Variants in MTARC2 observed in about 807,000 individuals in gnomAD.
The protein encoded by MTARC2 is MOCO sulphurase C-terminal domain containing 2.
Under a neutral mutation model 35.6 loss-of-function variants are expected in MTARC2, and 27 were observed. The observed-to-expected ratio is 0.76, with a 90% CI of 0.56 to 1.04. The LOEUF is 1.04. MTARC2 is among the 50% of genes least tolerant of loss of function. The probability of loss-of-function intolerance (pLI) is 0.00; values close to 1 mark genes in which losing one functional copy is unlikely to be tolerated. For synonymous variants in MTARC2, 158 were observed against 167.1 expected (o/e 0.95, Z 0.42); for missense variants, 412 against 432.5 (o/e 0.95, Z 0.42).
Position 220,784,151 on chromosome 1 carries a change from T to A in MTARC2, c.*264T>A. On this transcript the variant is annotated 3_prime_UTR_variant, in exon 8 of 8. Transcript: ENST00000366913. The stretch of plus-strand genomic sequence containing the variant: ...AAGGCTTTAAAAATAATTAAGATCA[T>A]CAAAAATGCTATTTTGAATGTTATC... 6.2e-6 allele frequency: 3 copies of A among 484,516 alleles called. No individual in the cohort carries two copies. The highest frequency in any genetic ancestry group is 8.3e-5 in the South Asian group (2 of 24,076). The allele number at this position is 484,516 out of a possible 1,614,324, so 30.0% of individuals were successfully genotyped here.
chr1:220,756,091 C>G (rs1402310262), intron 2 of MTARC2, among the ~76,000 whole-genome samples: 13 of 152,200 alleles, frequency 8.5e-5, no homozygotes, highest in Admixed American at 7.9e-4. Flanking sequence ...ATTTCCACTT[C>G]TGGCCAAAGA....
At chr1:220,758,176 G>GA (rs376452650) in intron 2 of MTARC2, among the ~76,000 whole-genome samples, 34 of 151,860 alleles carry the variant, frequency 2.2e-4, no homozygotes, top group Middle Eastern at 6.8e-3. Flanking sequence ...GCAGAGACGG[G>GA]ATTTCACCAT....
Position 220,784,648 on chromosome 1 carries a change from T to C in MTARC2, c.*761T>C, listed in dbSNP as rs546921329. The C allele has an allele frequency of 2.0e-5, 3 of 152,214 alleles. No individual in the cohort carries two copies. Among genetic ancestry groups the C allele is most frequent in the Admixed American group, 6.5e-5 (1 of 15,284 alleles). 9.4% of individuals were successfully genotyped at this position (152,214 alleles called of 1,614,324 possible). On this transcript the variant is annotated 3_prime_UTR_variant, in exon 8 of 8. Coordinates refer to ENST00000366913, the MANE Select transcript of MTARC2 (RefSeq NM_017898.5). ...GAGTAGGAATGCAAGGAAGACAGCA[T>C]GAACATATTTTTTTCAGTGCAAATA...
chr1:220,754,628 C>A (rs910353756), intron 1 of MTARC2, among the ~76,000 whole-genome samples: 1 of 152,136 alleles, frequency 6.6e-6, no homozygotes, highest in African/African-American at 2.4e-5. Context: ...CAAAGCAGAA[C>A]CCCCAGACAA....
intron 1 of MTARC2, 31 bp downstream of exon 1, chr1:220,748,834 G>A (rs1671054859): frequency 2.0e-6 from 3 of 1,538,398 alleles, no homozygotes; most frequent in Non-Finnish European, 2.6e-6. Context: ...GGGGCAGCGC[G>A]GAGCCTGCCT....
intron 4 of MTARC2, among the ~76,000 whole-genome samples, chr1:220,775,332 T>C (rs1671870847): frequency 6.6e-6 from 1 of 152,204 alleles, no homozygotes; most frequent in African/African-American, 2.4e-5. Context: ...TCCTCTTCCT[T>C]ACCTTGCTTC....
At chr1:220,769,386 C>T (rs1365238065) in intron 4 of MTARC2, among the ~76,000 whole-genome samples, 1 of 152,186 alleles carries the variant, frequency 6.6e-6, no homozygotes, top group African/African-American at 2.4e-5. Flanking sequence ...GTGAGATCTG[C>T]CTGGGCCGGT....
At chr1:220,765,527 A>G (rs1200726271) in intron 4 of MTARC2, among the ~76,000 whole-genome samples, 1 of 152,248 alleles carries the variant, frequency 6.6e-6, no homozygotes, top group African/African-American at 2.4e-5. Context: ...AAGGCAGGGA[A>G]GCCTGAGACA....
intron 4 of MTARC2, among the ~76,000 whole-genome samples, chr1:220,770,173 C>G (rs528927913): frequency 7.0e-4 from 107 of 152,226 alleles, no homozygotes; most frequent in African/African-American, 2.5e-3. Flanking sequence ...TGTGTTCTAG[C>G]TTTTTTGTAA....
intron 4 of MTARC2, among the ~76,000 whole-genome samples, chr1:220,772,279 C>T (rs1283378684): frequency 6.6e-6 from 1 of 152,218 alleles, no homozygotes; most frequent in African/African-American, 2.4e-5. Flanking sequence ...TAAAGGCTCT[C>T]TGTATATATT....
chr1:220,779,546 T>G (rs906408254), intron 4 of MTARC2, among the ~76,000 whole-genome samples: 11 of 152,168 alleles, frequency 7.2e-5, no homozygotes, highest in Non-Finnish European at 1.6e-4. Context: ...CAGGACCCCA[T>G]TAGCAGGCTG....
intron 1 of MTARC2, among the ~76,000 whole-genome samples, chr1:220,752,239 G>A (rs148951512): frequency 1.5e-3 from 230 of 152,322 alleles, no homozygotes; most frequent in African/African-American, 5.4e-3. Context: ...GAGAAATAAT[G>A]TCAGAAATAA....
At position 220,748,640 on chromosome 1, in the gene MTARC2, A is replaced by T; in HGVS notation, c.109A>T (p.Thr37Ser). The change falls in exon 1 of 8, where the codon ACT becomes TCT. Residue 37 changes from threonine (T) to serine (S), a missense_variant. Thr to Ser is a moderately conservative substitution (Grantham distance 58). Coordinates refer to ENST00000366913, the MANE Select transcript of MTARC2 (RefSeq NM_017898.5). ...ALGLAAVALG[T>S]VAWRRAWPRR... ...AGGACTGGCCGCCGTGGCCCTGGGG[A>T]CTGTCGCCTGGCGCCGCGCATGGCC... 6.5e-7 allele frequency: 1 copy of T among 1,532,980 alleles called. No individual in the cohort carries two copies. Among genetic ancestry groups the T allele is most frequent in the Non-Finnish European group, 8.7e-7 (1 of 1,143,892 alleles). 95.0% of individuals were successfully genotyped at this position (1,532,980 alleles called of 1,614,324 possible). A position where few individuals can be genotyped will look rare whatever the true frequency, so the allele number is the denominator to read the frequency against.
At chr1:220,752,994 C>T (rs1435040585) in intron 1 of MTARC2, among the ~76,000 whole-genome samples, 1 of 148,106 alleles carries the variant, frequency 6.8e-6, no homozygotes, top group African/African-American at 2.5e-5. Flanking sequence ...GTGGGCAGAT[C>T]ATGAGATCAG....
chr1:220,749,740 T>C (rs928922200), intron 1 of MTARC2, among the ~76,000 whole-genome samples: 1 of 152,034 alleles, frequency 6.6e-6, no homozygotes, highest in South Asian at 2.1e-4. Flanking sequence ...CAAGATGTCT[T>C]CTTATCTGGC....
chr1:220,776,298 T>G (rs9970393), intron 4 of MTARC2, among the ~76,000 whole-genome samples: 3,611 of 152,314 alleles, frequency 0.024, 108 homozygotes, highest in African/African-American at 0.064. Flanking sequence ...TTTTTTCATG[T>G]GCTTGTTGGT....
intron 2 of MTARC2, among the ~76,000 whole-genome samples, chr1:220,759,356 C>T (rs540205181): frequency 6.6e-6 from 1 of 152,228 alleles, no homozygotes; most frequent in South Asian, 2.1e-4. Context: ...GCTGATGAGA[C>T]ATTTTGTGTC....
intron 3 of MTARC2, 21 bp downstream of exon 3, chr1:220,761,841 C>T (rs114867340): frequency 1.9e-6 from 3 of 1,584,398 alleles, no homozygotes; most frequent in African/African-American, 1.4e-5. Flanking sequence ...AGAGAGTTTA[C>T]CTTCACTGCT....
intron 4 of MTARC2, among the ~76,000 whole-genome samples, chr1:220,769,319 C>G (rs1671670498): frequency 6.6e-6 from 1 of 152,204 alleles, no homozygotes; most frequent in South Asian, 2.1e-4. Flanking sequence ...GCGAGACACC[C>G]CTGGAAAGCC....
Sources: allele counts gnomAD v4.1 joint callset (sites outside exome capture counted in the v4.1 genomes callset), GRCh38; gene constraint gnomAD v4.1.1; transcripts MANE v1.5; gene names NCBI Gene and HGNC (gene_info 2026-07-23, HGNC 2026-07-21).